SPPL3: variants seen among roughly 807,000 people sequenced by gnomAD.
SPPL3 encodes signal peptide peptidase-like 3.
SPPL3 carries 5 observed loss-of-function variants against 42.4 expected under a neutral mutation model. The observed-to-expected ratio is 0.12, with a 90% CI of 0.06 to 0.25. The LOEUF (loss-of-function observed/expected upper bound fraction) is 0.25. Ranked by LOEUF, SPPL3 falls within the 10% of genes least tolerant of loss-of-function variation. The pLI, the probability that SPPL3 is intolerant of heterozygous loss-of-function variation, is 1.00. For missense variants in SPPL3, 235 were observed against 489.0 expected (o/e 0.48, Z 4.90); for synonymous variants, 195 against 181.8 (o/e 1.07, Z -0.58).
At chr12:120,863,638 T>C (rs1225099421) in intron 1 of SPPL3, among the ~76,000 whole-genome samples, 2 of 152,116 alleles carry the variant, frequency 1.3e-5, no homozygotes, top group African/African-American at 2.4e-5. Flanking sequence ...TGAAATGAAA[T>C]TCTACAGATG....
chr12:120,897,747 A>G (rs1873853987), intron 1 of SPPL3, among the ~76,000 whole-genome samples: 1 of 152,214 alleles, frequency 6.6e-6, no homozygotes, highest in Middle Eastern at 3.4e-3. Flanking sequence ...ATAATGAGCA[A>G]ATCTTCTAAA....
At chr12:120,899,782 A>T (rs890067501) in intron 1 of SPPL3, among the ~76,000 whole-genome samples, 9 of 148,842 alleles carry the variant, frequency 6.0e-5, no homozygotes, top group African/African-American at 2.2e-4. Context: ...AATCCCAGCT[A>T]CTCGGGAGGC....
intron 2 of SPPL3, among the ~76,000 whole-genome samples, chr12:120,809,705 C>G (rs1164918966): frequency 6.6e-6 from 1 of 152,128 alleles, no homozygotes; most frequent in African/African-American, 2.4e-5. Context: ...CTATGGCTGC[C>G]TGCTGAGATG....
At position 120,903,905 on chromosome 12, in the gene SPPL3, CG is replaced by C; in HGVS notation, c.-39del. On this transcript the variant is annotated 5_prime_UTR_variant, in exon 1 of 11. Transcript: ENST00000353487. ...CGTGGGCTCCGCTGCAGGCTGTGGC[CG>C]GGCCCGGCGGCGGCGGGCTCGCTCG... 2 of 1,341,980 alleles carry C rather than the reference CG, an allele frequency of 1.5e-6. No homozygotes were observed. Among genetic ancestry groups the C allele is most frequent in the Non-Finnish European group, 9.5e-7 (1 of 1,048,390 alleles). The allele number at this position is 1,341,980 out of a possible 1,614,324, so 83.1% of individuals were successfully genotyped here.
chr12:120,852,779 A>AAT (rs1555252658), intron 1 of SPPL3, among the ~76,000 whole-genome samples: 27,802 of 62,586 alleles, frequency 0.44, 8,996 homozygotes, highest in Admixed American at 0.63. Context: ...TTATATATAA[A>AAT]ATATATTTCA....
intron 1 of SPPL3, among the ~76,000 whole-genome samples, chr12:120,836,333 G>T (rs1751896686): frequency 6.6e-6 from 1 of 152,136 alleles, no homozygotes; most frequent in Admixed American, 6.6e-5. Flanking sequence ...CCTGAAGCTG[G>T]CATGCAAGGA....
chr12:120,830,576 G>A (rs1225490598), intron 1 of SPPL3, among the ~76,000 whole-genome samples: 244 of 5,712 alleles, frequency 0.043, 60 homozygotes, highest in Admixed American at 0.1. Context: ...GGGGAGGGGG[G>A]GAAGGAGAGA....
chr12:120,813,095 TA>T (rs1200900126), intron 1 of SPPL3, among the ~76,000 whole-genome samples: 3 of 151,834 alleles, frequency 2.0e-5, no homozygotes, highest in Admixed American at 1.3e-4. Flanking sequence ...AGCTGGAGGG[TA>T]AATATAAGGA....
chr12:120,882,498 G>C (rs1324825293), intron 1 of SPPL3, among the ~76,000 whole-genome samples: 2 of 152,058 alleles, frequency 1.3e-5, no homozygotes, highest in African/African-American at 4.8e-5. Flanking sequence ...CACATTTCTA[G>C]AAAGATAGAA....
At chr12:120,833,766 A>AGTGTGTGT (rs71076664) in intron 1 of SPPL3, among the ~76,000 whole-genome samples, 50 of 146,736 alleles carry the variant, frequency 3.4e-4, no homozygotes, top group African/African-American at 1.2e-3. Flanking sequence ...TGAGTTTTAA[A>AGTGTGTGT]GTGTGTGTGT....
At chr12:120,899,236 T>C (rs1290808379) in intron 1 of SPPL3, among the ~76,000 whole-genome samples, 6 of 152,240 alleles carry the variant, frequency 3.9e-5, no homozygotes, top group Non-Finnish European at 7.3e-5. Context: ...AGCTTTTATT[T>C]AGAACTTTAA....
intron 1 of SPPL3, among the ~76,000 whole-genome samples, chr12:120,842,168 T>C (rs1422753617): frequency 6.6e-6 from 1 of 152,192 alleles, no homozygotes; most frequent in African/African-American, 2.4e-5. Context: ...AAATTTGAAA[T>C]TGTGGCCCAG....
chr12:120,829,041 G>C (rs553971773), intron 1 of SPPL3, among the ~76,000 whole-genome samples: 1 of 152,188 alleles, frequency 6.6e-6, no homozygotes, highest in Non-Finnish European at 1.5e-5. Context: ...TGGGATTAGA[G>C]GCATGAGTTA....
chr12:120,781,950 T>G (rs1869561655), intron 6 of SPPL3, among the ~76,000 whole-genome samples: 1 of 150,506 alleles, frequency 6.6e-6, no homozygotes, highest in Admixed American at 6.6e-5. Flanking sequence ...TGATCATAGC[T>G]CTCTGTAATC....
chr12:120,804,323 G>C (rs1870420593), intron 2 of SPPL3, among the ~76,000 whole-genome samples: 1 of 152,094 alleles, frequency 6.6e-6, no homozygotes, highest in Non-Finnish European at 1.5e-5. Context: ...CATACAGAAA[G>C]TGAAAAGACA....
chr12:120,827,725 A>G (rs1246586110), intron 1 of SPPL3, among the ~76,000 whole-genome samples: 1 of 152,206 alleles, frequency 6.6e-6, no homozygotes, highest in Non-Finnish European at 1.5e-5. Flanking sequence ...CGCACCCTCC[A>G]AGAGCTAATG....
In SPPL3 at chr12:120,766,380, G is replaced by GAA. The variant is rs1868909056; in HGVS notation, c.974-9_974-8insTT. The GAA allele has an allele frequency of 6.4e-7, 1 of 1,570,186 alleles. No individual in the cohort carries two copies. The highest frequency in any genetic ancestry group is 1.9e-5 in the Admixed American group (1 of 52,168). ...CAGTAGCAGTGAGCAGGCCTGTGAG[G>GAA]AGAGAGAGGCATCTGTGAGACACGA... On this transcript the variant is annotated splice_polypyrimidine_tract_variant and intron_variant, in intron 9 of 10. Coordinates refer to ENST00000353487, the MANE Select transcript of SPPL3 (RefSeq NM_139015.5).
At chr12:120,804,541 C>T (rs1870427267) in intron 2 of SPPL3, among the ~76,000 whole-genome samples, 2 of 152,052 alleles carry the variant, frequency 1.3e-5, no homozygotes, top group Non-Finnish European at 2.9e-5. Context: ...TAATGAGATA[C>T]CACTTCATAC....
chr12:120,860,976 T>C (rs1032214773), intron 1 of SPPL3, among the ~76,000 whole-genome samples: 3 of 152,206 alleles, frequency 2.0e-5, no homozygotes, highest in African/African-American at 7.2e-5. Context: ...TATACTTTTT[T>C]CCTCCTCCCA....
Sources: gnomAD v4.1 joint callset for allele counts (sites outside exome capture counted in the v4.1 genomes callset) on GRCh38, gnomAD v4.1.1 for gene constraint, MANE v1.5 for transcripts, NCBI Gene and HGNC (gene_info 2026-07-23, HGNC 2026-07-21) for gene names.